MRAP2: variants seen among roughly 807,000 people sequenced by gnomAD.
MRAP2 encodes melanocortin 2 receptor accessory protein 2.
MRAP2 carries 20 observed loss-of-function variants against 17.4 expected under a neutral mutation model. The observed-to-expected ratio is 1.15, with a 90% CI of 0.81 to 1.67. The LOEUF (loss-of-function observed/expected upper bound fraction) is 1.67, where lower values mean the gene tolerates loss of function less well. Among genes scored for constraint, MRAP2 ranks in the 40% most tolerant of loss-of-function variants. The pLI, the probability that MRAP2 is intolerant of heterozygous loss-of-function variation, is 0.00. For missense variants in MRAP2, 238 were observed against 240.0 expected, an observed-to-expected ratio of 0.99 and a Z score of 0.05; for synonymous variants, 96 against 88.4, an observed-to-expected ratio of 1.09 and a Z score of -0.48.
At chr6:84,104,276 G>T in the MRAP2 span, among the ~76,000 whole-genome samples, 33 of 152,286 alleles carry the variant, frequency 2.2e-4, no homozygotes, top group Non-Finnish European at 4.3e-4. Flanking sequence ...TCTGGTTCCT[G>T]CCCACGAAAC....
At chr6:84,140,559 G>A in the MRAP2 span, among the ~76,000 whole-genome samples, 1 of 152,240 alleles carries the variant, frequency 6.6e-6, no homozygotes, top group South Asian at 2.1e-4. Context: ...ACAGGGTCTT[G>A]CTCTGTCACC....
chr6:84,079,417 T>G (rs1044559368), intron 3 of MRAP2, among the ~76,000 whole-genome samples: 2 of 152,222 alleles, frequency 1.3e-5, no homozygotes, highest in African/African-American at 2.4e-5. Flanking sequence ...GGAATAAAAC[T>G]TTCTGGAATG....
At chr6:84,034,189 C>A (rs1392406779) in intron 1 of MRAP2, among the ~76,000 whole-genome samples, 1 of 151,948 alleles carries the variant, frequency 6.6e-6, no homozygotes, top group African/African-American at 2.4e-5. Flanking sequence ...GGGCTTCCTC[C>A]CCTCCGCTGG....
At chr6:84,114,519 A>T in the MRAP2 span, among the ~76,000 whole-genome samples, 1 of 152,122 alleles carries the variant, frequency 6.6e-6, no homozygotes, top group South Asian at 2.1e-4. Context: ...TTGGGTTAGA[A>T]CATGCTCCTT....
At chr6:84,083,801 T>A (rs143699717) in intron 3 of MRAP2, among the ~76,000 whole-genome samples, 2 of 152,282 alleles carry the variant, frequency 1.3e-5, no homozygotes, top group East Asian at 3.9e-4. Context: ...TATATTTTAG[T>A]AGAAAAATAT....
chr6:84,060,409 T>C (rs2099492799), intron 2 of MRAP2, among the ~76,000 whole-genome samples: 1 of 152,186 alleles, frequency 6.6e-6, no homozygotes, highest in Admixed American at 6.5e-5. Context: ...GTCCACCATT[T>C]GCAGTGTGAA....
chr6:84,109,932 C>A, the MRAP2 span, among the ~76,000 whole-genome samples: 7 of 152,122 alleles, frequency 4.6e-5, no homozygotes, highest in African/African-American at 1.7e-4. Context: ...GACATGAACT[C>A]ATCGTTTTTT....
At chr6:84,051,915 C>T (rs750168248) in intron 1 of MRAP2, among the ~76,000 whole-genome samples, 3 of 152,160 alleles carry the variant, frequency 2.0e-5, no homozygotes, top group Non-Finnish European at 2.9e-5. Flanking sequence ...TGTGATCTCC[C>T]GTCTTCCCCA....
intron 1 of MRAP2, among the ~76,000 whole-genome samples, chr6:84,041,058 T>C (rs1026112193): frequency 6.6e-6 from 1 of 152,140 alleles, no homozygotes; most frequent in Non-Finnish European, 1.5e-5. Context: ...GTGGGCTGGG[T>C]TCAGGCCCCC....
At chr6:84,094,698 A>AT (rs889929370), downstream of MRAP2, among the ~76,000 whole-genome samples, 94 of 146,912 alleles carry the variant, frequency 6.4e-4, no homozygotes, top group Middle Eastern at 7.0e-3. Flanking sequence ...TCATAAGATA[A>AT]TTTTTTTTTT....
At chr6:84,136,642 C>A in the MRAP2 span, among the ~76,000 whole-genome samples, 1 of 152,074 alleles carries the variant, frequency 6.6e-6, no homozygotes, top group Non-Finnish European at 1.5e-5. Context: ...AGCAAGGACT[C>A]CAGATGTTTC....
chr6:84,050,875 A>G (rs984741449), intron 1 of MRAP2, among the ~76,000 whole-genome samples: 1 of 152,226 alleles, frequency 6.6e-6, no homozygotes, highest in Non-Finnish European at 1.5e-5. Flanking sequence ...CTTCCCCTGT[A>G]CAAACTGGTC....
At chr6:84,143,878 A>G in the MRAP2 span, among the ~76,000 whole-genome samples, 1 of 151,998 alleles carries the variant, frequency 6.6e-6, no homozygotes, top group African/African-American at 2.4e-5. Flanking sequence ...TTTGTGTTTT[A>G]GTAAAATAAC....
At chr6:84,082,890 C>G (rs1332010985) in intron 3 of MRAP2, among the ~76,000 whole-genome samples, 1 of 151,942 alleles carries the variant, frequency 6.6e-6, no homozygotes, top group Non-Finnish European at 1.5e-5. Context: ...CTTATCAGTA[C>G]GAGCTCACAT....
At chr6:84,064,290 A>G (rs2099493959) in intron 3 of MRAP2, among the ~76,000 whole-genome samples, 1 of 151,696 alleles carries the variant, frequency 6.6e-6, no homozygotes, top group Non-Finnish European at 1.5e-5. Context: ...AGGAGCCTCA[A>G]AGTTAAGACC....
chr6:84,060,586 T>C (rs2129166728), intron 2 of MRAP2, among the ~76,000 whole-genome samples: 1 of 152,244 alleles, frequency 6.6e-6, no homozygotes, highest in East Asian at 1.9e-4. Flanking sequence ...CTGTTATTTA[T>C]CTGTACAATG....
rs938430808 is a variant in MRAP2, at chr6:84,045,306, T to C, written c.-7-10006T>C. 4.1e-6 allele frequency: 4 copies of C among 985,218 alleles called. No homozygotes were observed. In the Admixed American group the frequency reaches 2.5e-4, roughly 61 times the overall value. 61.0% of individuals were successfully genotyped at this position (985,218 alleles called of 1,614,324 possible). A position where few individuals can be genotyped will look rare whatever the true frequency, so the allele number is the denominator to read the frequency against. On this transcript the variant is annotated intron_variant, in intron 1 of 3. Coordinates refer to ENST00000257776, the MANE Select transcript of MRAP2 (RefSeq NM_138409.4). The stretch of plus-strand genomic sequence containing the variant: ...TGGTGGAGCTGTCAGGTACAGCTGA[T>C]GAGGCTGCGAGGGCAGAGATCCAAA...
chr6:84,134,122 C>T, the MRAP2 span, among the ~76,000 whole-genome samples: 6 of 152,316 alleles, frequency 3.9e-5, no homozygotes, highest in African/African-American at 1.4e-4. Context: ...TGGGCTCTGC[C>T]CAGTTCGAAC....
chr6:84,060,029 T>G (rs1238865497), intron 2 of MRAP2, among the ~76,000 whole-genome samples: 1 of 152,128 alleles, frequency 6.6e-6, no homozygotes, highest in Non-Finnish European at 1.5e-5. Flanking sequence ...GAAAATCCCC[T>G]GGGGATGGGT....
Sources: allele counts gnomAD v4.1 joint callset (sites outside exome capture counted in the v4.1 genomes callset), GRCh38; gene constraint gnomAD v4.1.1; transcripts MANE v1.5; gene names NCBI Gene and HGNC (gene_info 2026-07-23, HGNC 2026-07-21).